The following LTA variants were observed in gnomAD, a reference collection of about 807,000 sequenced individuals.
LTA encodes the protein lymphotoxin alpha.
LTA carries 6 observed loss-of-function variants against 15.1 expected under a neutral mutation model. That is an observed-to-expected ratio of 0.40 (90% CI 0.22 to 0.78). The LOEUF (loss-of-function observed/expected upper bound fraction) is 0.78. Ranked by LOEUF, LTA falls within the 30% of genes least tolerant of loss-of-function variation. LTA has a pLI of 0.38. For missense variants in LTA, 173 were observed against 249.5 expected (o/e 0.69, Z 2.06); for synonymous variants, 87 against 107.3 (o/e 0.81, Z 1.17).
At chr6:31,566,048 C>T in the LTA span, among the ~76,000 whole-genome samples, 1 of 151,910 alleles carries the variant, frequency 6.6e-6, no homozygotes, top group Non-Finnish European at 1.5e-5. Flanking sequence ...CACGGTGGCG[C>T]ATGCCTGTAA....
the LTA span, among the ~76,000 whole-genome samples, chr6:31,562,378 G>A: frequency 6.6e-6 from 1 of 152,152 alleles, no homozygotes; most frequent in Non-Finnish European, 1.5e-5. Flanking sequence ...TCTACCCACA[G>A]ATTTTACAGT....
intron 3 of LTA, 29 bp downstream of exon 3, chr6:31,573,062 G>A: frequency 6.4e-7 from 1 of 1,565,288 alleles, no homozygotes. Context: ...TCCCAGACAT[G>A]TCCCCACCAG....
At chr6:31,569,261 A>G (rs1211613174), upstream of LTA, among the ~76,000 whole-genome samples, 1 of 152,148 alleles carries the variant, frequency 6.6e-6, no homozygotes, top group African/African-American at 2.4e-5. Flanking sequence ...TGCTCGCCTC[A>G]GCCTCCCAAA....
the LTA span, among the ~76,000 whole-genome samples, chr6:31,560,816 C>G: frequency 6.6e-6 from 1 of 152,182 alleles, no homozygotes; most frequent in Non-Finnish European, 1.5e-5. Flanking sequence ...GGGAGGGACT[C>G]TGTTCAGTGT....
the LTA span, among the ~76,000 whole-genome samples, chr6:31,566,229 A>G: frequency 7.0e-6 from 1 of 142,754 alleles, no homozygotes; most frequent in Non-Finnish European, 1.5e-5. Context: ...CTGTAATCCC[A>G]ACACTTTGCG....
chr6:31,571,086 A>T (rs36221456), upstream of LTA, among the ~76,000 whole-genome samples: 436 of 147,868 alleles, frequency 2.9e-3, 18 homozygotes, highest in South Asian at 0.072. Context: ...TTTGAGACAG[A>T]GTCTTGCTCT....
intron 3 of LTA, 122 bp downstream of exon 3, chr6:31,573,155 C>G: frequency 8.5e-7 from 1 of 1,179,818 alleles, no homozygotes; most frequent in Non-Finnish European, 1.2e-6. Flanking sequence ...ACAGAGGGAG[C>G]CCACTCCTAT....
At chr6:31,570,318 T>A (rs1770765988), upstream of LTA, among the ~76,000 whole-genome samples, 1 of 152,154 alleles carries the variant, frequency 6.6e-6, no homozygotes, top group Non-Finnish European at 1.5e-5. Flanking sequence ...AGAATGTTAC[T>A]TACATGTCCC....
the LTA span, among the ~76,000 whole-genome samples, chr6:31,564,819 T>G: frequency 6.7e-6 from 1 of 150,038 alleles, no homozygotes; most frequent in Admixed American, 6.6e-5. Flanking sequence ...GAGGCTGACG[T>G]GGGAGGATCA....
chr6:31,574,067 AAAATT>A lies in LTA; in HGVS notation c.*381_*385del. On this transcript the variant is annotated 3_prime_UTR_variant, in exon 4 of 4. Transcript: ENST00000418386. ...GGAGGGGACTATTTATGAAGGCAAA[AAAATT>A]AAATTATTTATTTATGGAGGATGGA... 4.8e-6 allele frequency: 2 copies of A among 414,008 alleles called. No homozygotes were observed. The highest frequency in any genetic ancestry group is 9.0e-6 in the Non-Finnish European group (2 of 221,056). 25.6% of individuals were successfully genotyped at this position (414,008 alleles called of 1,614,324 possible).
At chr6:31,571,142 C>T (rs1392814556), upstream of LTA, among the ~76,000 whole-genome samples, 2 of 151,526 alleles carry the variant, frequency 1.3e-5, no homozygotes, top group East Asian at 3.9e-4. Flanking sequence ...CTCACTGCAG[C>T]CTCCGCCTCC....
the LTA span, among the ~76,000 whole-genome samples, chr6:31,567,014 G>A: frequency 6.6e-6 from 1 of 151,932 alleles, no homozygotes; most frequent in Non-Finnish European, 1.5e-5. Context: ...TTGGGAGGCT[G>A]GCCCAGCATG....
At position 31,573,946 on chromosome 6, in the gene LTA, A is replaced by C; in HGVS notation, c.*253A>C. Reference sequence around the variant, plus strand: ...AGCCTGCCTAGGAATTCCCAGCCCAAAGCTGTTGGTCTGTCCCACCAGCTA... The same window carrying C: ...AGCCTGCCTAGGAATTCCCAGCCCACAGCTGTTGGTCTGTCCCACCAGCTA... On this transcript the variant is annotated 3_prime_UTR_variant, in exon 4 of 4. Transcript: ENST00000418386. The C allele has an allele frequency of 1.5e-6, 1 of 668,030 alleles. No individual in the cohort carries two copies. The highest frequency in any genetic ancestry group is 2.7e-6 in the Non-Finnish European group (1 of 365,162). The allele number at this position is 668,030 out of a possible 1,614,324, so 41.4% of individuals were successfully genotyped here. A position where few individuals can be genotyped will look rare whatever the true frequency, so the allele number is the denominator to read the frequency against.
chr6:31,566,796 C>G, the LTA span, among the ~76,000 whole-genome samples: 1 of 151,690 alleles, frequency 6.6e-6, no homozygotes, highest in Non-Finnish European at 1.5e-5. Context: ...AAAAATTAGC[C>G]AGGCATGGTG....
At chr6:31,564,579 A>G in the LTA span, among the ~76,000 whole-genome samples, 15 of 150,374 alleles carry the variant, frequency 1.0e-4, no homozygotes, top group Admixed American at 9.9e-4. Context: ...CACTGCGCCC[A>G]GCCGATCTTT....
At chr6:31,563,007 A>C in the LTA span, among the ~76,000 whole-genome samples, 2 of 152,040 alleles carry the variant, frequency 1.3e-5, no homozygotes, top group Admixed American at 1.3e-4. Flanking sequence ...TAAAAATACA[A>C]AAATTAGCTG....
chr6:31,572,622 C>T (rs540495873), intron 1 of LTA, 112 bp from the exon 2 acceptor site: 4 of 693,488 alleles, frequency 5.8e-6, no homozygotes, highest in South Asian at 1.6e-5. Flanking sequence ...CCTTCTCTGT[C>T]GATCTCTCTC....
At chr6:31,571,309 C>A (rs1334905473), upstream of LTA, among the ~76,000 whole-genome samples, 1 of 152,128 alleles carries the variant, frequency 6.6e-6, no homozygotes, top group Non-Finnish European at 1.5e-5. Context: ...ATCCGCCCAC[C>A]TCAGACTCCC....
chr6:31,565,028 A>C, the LTA span, among the ~76,000 whole-genome samples: 2 of 152,226 alleles, frequency 1.3e-5, no homozygotes, highest in African/African-American at 4.8e-5. Flanking sequence ...TGTGCTGTGA[A>C]GACAGGAAAA....
Sources: gnomAD v4.1 joint callset for allele counts (sites outside exome capture counted in the v4.1 genomes callset) on GRCh38, gnomAD v4.1.1 for gene constraint, MANE v1.5 for transcripts, NCBI Gene and HGNC (gene_info 2026-07-23, HGNC 2026-07-21) for gene names.